CDKL5: variants seen among roughly 807,000 people sequenced by gnomAD.
The protein encoded by CDKL5 is cyclin dependent kinase like 5.
Under a neutral mutation model 61.7 loss-of-function variants are expected in CDKL5, and 8 were observed. The observed-to-expected ratio is 0.13, with a 90% CI of 0.08 to 0.23. The LOEUF (loss-of-function observed/expected upper bound fraction) is 0.23, where lower values mean the gene tolerates loss of function less well. Among genes scored for constraint, CDKL5 ranks in the 10% least tolerant of loss-of-function variants. CDKL5 has a pLI of 1.00. For synonymous variants in CDKL5, 275 were observed against 272.3 expected (o/e 1.01, Z -0.10); for missense variants, 440 against 734.5 (o/e 0.60, Z 4.63).
intron 20 of CDKL5, among the ~76,000 whole-genome samples, chrX:18,646,559 G>A (rs774740396): frequency 2.7e-4 from 30 of 112,207 alleles, no homozygotes; most frequent in African/African-American, 9.4e-4. Context: ...TAACTAATAC[G>A]CACTCAGGGT....
At chrX:18,606,756 G>A (rs1407368094) in intron 12 of CDKL5, among the ~76,000 whole-genome samples, 1 of 112,512 alleles carries the variant, frequency 8.9e-6, no homozygotes, top group Non-Finnish European at 1.9e-5. Flanking sequence ...ATTGCAACTT[G>A]TTCCACTTTG....
chrX:18,493,185 A>G (rs920590688), intron 1 of CDKL5, among the ~76,000 whole-genome samples: 1 of 111,870 alleles, frequency 8.9e-6, no homozygotes, highest in Non-Finnish European at 1.9e-5. Context: ...AACTCTTCCT[A>G]ATAGGTGGGA....
chrX:18,608,999 C>T (rs978709376), intron 13 of CDKL5, 87 bp downstream of exon 13: 21 of 651,058 alleles, frequency 3.2e-5, no homozygotes, highest in Non-Finnish European at 5.0e-5. Flanking sequence ...CAGTCTCCCA[C>T]AAATAAGTTG....
In CDKL5 at chrX:18,628,907, C is replaced by T. The variant is rs777163998; in HGVS notation, c.*150C>T. Reference sequence around the variant, plus strand: ...TGTGCAATATTGCATGTGTTGGGGCCGTTGAGCTCCTCGCGGCCACAAATG... The same window carrying T: ...TGTGCAATATTGCATGTGTTGGGGCTGTTGAGCTCCTCGCGGCCACAAATG... On this transcript the variant is annotated 3_prime_UTR_variant, in exon 18 of 18. Coordinates refer to ENST00000623535, the MANE Select transcript of CDKL5 (RefSeq NM_001323289.2). 12 of 1,057,562 alleles carry T rather than the reference C, an allele frequency of 1.1e-5. No individual in the cohort carries two copies. In the East Asian group the frequency reaches 2.1e-4, roughly 18 times the overall value. The allele number at this position is 1,057,562 out of a possible 1,213,427, so 87.2% of individuals were successfully genotyped here. A position where few individuals can be genotyped will look rare whatever the true frequency, so the allele number is the denominator to read the frequency against.
intron 1 of CDKL5, among the ~76,000 whole-genome samples, chrX:18,459,992 C>T (rs900503411): frequency 9.1e-6 from 1 of 110,397 alleles, no homozygotes; most frequent in Admixed American, 9.7e-5. Context: ...CCCACCCCAG[C>T]CTCCCGAGTA....
chrX:18,449,590 G>A (rs1931961346), intron 1 of CDKL5, among the ~76,000 whole-genome samples: 1 of 112,490 alleles, frequency 8.9e-6, no homozygotes, highest in South Asian at 3.6e-4. Flanking sequence ...AAATACTGCT[G>A]ATTCTCCTGA....
intron 1 of CDKL5, among the ~76,000 whole-genome samples, chrX:18,431,567 G>A (rs1054930252): frequency 9.3e-6 from 1 of 107,343 alleles, no homozygotes; most frequent in Non-Finnish European, 1.9e-5. Flanking sequence ...GACTACAGGC[G>A]CCCGCCACCA....
chrX:18,543,461 T>C (rs1468329659), intron 3 of CDKL5, among the ~76,000 whole-genome samples: 1 of 110,048 alleles, frequency 9.1e-6, no homozygotes, highest in Non-Finnish European at 1.9e-5. Flanking sequence ...CTATGTACGT[T>C]TTTGTGTCAC....
intron 1 of CDKL5, among the ~76,000 whole-genome samples, chrX:18,430,917 A>G (rs1267376125): frequency 9.3e-6 from 1 of 107,004 alleles, no homozygotes; most frequent in Non-Finnish European, 1.9e-5. Context: ...GCTGGAGTGC[A>G]GTGATGGGAT....
intron 1 of CDKL5, among the ~76,000 whole-genome samples, chrX:18,462,830 C>A (rs1038066014): frequency 2.7e-5 from 3 of 110,845 alleles, no homozygotes; most frequent in Non-Finnish European, 5.7e-5. Flanking sequence ...TCGTGACCAG[C>A]CTGGCCAACA....
At chrX:18,520,788 C>A (rs1287930568) in intron 3 of CDKL5, among the ~76,000 whole-genome samples, 2 of 111,912 alleles carry the variant, frequency 1.8e-5, no homozygotes, top group Non-Finnish European at 3.8e-5. Flanking sequence ...CACTCTGTCG[C>A]CCAGGCTGGA....
chrX:18,557,608 A>G (rs1924651846), intron 3 of CDKL5, among the ~76,000 whole-genome samples: 1 of 112,470 alleles, frequency 8.9e-6, no homozygotes, highest in African/African-American at 3.2e-5. Context: ...TTGAAAAATA[A>G]TGACTCCTGC....
At chrX:18,444,820 C>G (rs991740168) in intron 1 of CDKL5, among the ~76,000 whole-genome samples, 2 of 111,943 alleles carry the variant, frequency 1.8e-5, no homozygotes, top group Non-Finnish European at 3.8e-5. Context: ...TTCCCTTCTT[C>G]CCTCCAAGAT....
chrX:18,486,966 AT>A (rs1921814813), intron 1 of CDKL5, among the ~76,000 whole-genome samples: 1 of 111,265 alleles, frequency 9.0e-6, no homozygotes, highest in Non-Finnish European at 1.9e-5. Flanking sequence ...AAAAAAAAAA[AT>A]CTCTAAATAT....
chrX:18,613,478 GA>G (rs1338481212), intron 15 of CDKL5, among the ~76,000 whole-genome samples: 1 of 111,165 alleles, frequency 9.0e-6, no homozygotes, highest in African/African-American at 3.3e-5. Flanking sequence ...TCATGTAAGG[GA>G]AAAAAAATCT....
intron 11 of CDKL5, among the ~76,000 whole-genome samples, chrX:18,600,140 T>A (rs1254586267): frequency 8.9e-6 from 1 of 112,278 alleles, no homozygotes; most frequent in Non-Finnish European, 1.9e-5. Flanking sequence ...AAGCTCAAGA[T>A]CTGGTACTAT....
At chrX:18,623,999 A>G (rs1393652313) in intron 16 of CDKL5, 1 of 749,561 alleles carries the variant, frequency 1.3e-6, no homozygotes, top group African/African-American at 2.3e-5. Flanking sequence ...CACTCCACCC[A>G]TGGTACCCGT....
chrX:18,481,599 G>A (rs1035450577), intron 1 of CDKL5, among the ~76,000 whole-genome samples: 25 of 104,801 alleles, frequency 2.4e-4, no homozygotes, highest in African/African-American at 8.4e-4. Context: ...TTGGGCTCAA[G>A]TGATCTGCCC....
chrX:18,570,515 A>T (rs953597153), intron 4 of CDKL5, among the ~76,000 whole-genome samples: 1 of 111,236 alleles, frequency 9.0e-6, no homozygotes, highest in Non-Finnish European at 1.9e-5. Flanking sequence ...AATAAGAGCA[A>T]CCAGACTCAA....
Sources: gnomAD v4.1 joint callset for allele counts (sites outside exome capture counted in the v4.1 genomes callset) on GRCh38, gnomAD v4.1.1 for gene constraint, MANE v1.5 for transcripts, NCBI Gene and HGNC (gene_info 2026-07-23, HGNC 2026-07-21) for gene names.